The following STYXL2 variants were observed in gnomAD, a reference collection of about 807,000 sequenced individuals.
STYXL2 encodes serine/threonine/tyrosine interacting like 2.
STYXL2 carries 44 observed loss-of-function variants against 52.4 expected under a neutral mutation model. That is an observed-to-expected ratio of 0.84 (90% CI 0.66 to 1.08). STYXL2 has a LOEUF of 1.08. Among genes scored for constraint, STYXL2 ranks in the 50% least tolerant of loss-of-function variants. The pLI is 0.00. For missense variants in STYXL2, 1,604 were observed against 1,471.7 expected, an observed-to-expected ratio of 1.09 and a Z score of -1.47; for synonymous variants, 604 against 586.9, an observed-to-expected ratio of 1.03 and a Z score of -0.42.
chr1:167,116,474 A>T (rs1406671182), intron 3 of STYXL2, among the ~76,000 whole-genome samples: 3 of 152,172 alleles, frequency 2.0e-5, no homozygotes, highest in Non-Finnish European at 2.9e-5. Flanking sequence ...ACAAGAAATA[A>T]ATCAGTAAAT....
At chr1:167,107,403 C>A (rs1169586083) in intron 2 of STYXL2, among the ~76,000 whole-genome samples, 1 of 152,166 alleles carries the variant, frequency 6.6e-6, no homozygotes, top group Non-Finnish European at 1.5e-5. Context: ...GTGACCATTA[C>A]TCTACCATAA....
chr1:167,105,988 G>A (rs1017633504), intron 2 of STYXL2, among the ~76,000 whole-genome samples: 2 of 152,166 alleles, frequency 1.3e-5, no homozygotes, highest in Admixed American at 1.3e-4. Context: ...TCTCAGGTTT[G>A]CTGACTCATT....
chr1:167,107,890 C>A (rs563116707), intron 2 of STYXL2, among the ~76,000 whole-genome samples: 1 of 152,216 alleles, frequency 6.6e-6, no homozygotes, highest in East Asian at 1.9e-4. Context: ...AAAGAAGGGA[C>A]GATTGAACTA....
intron 4 of STYXL2, among the ~76,000 whole-genome samples, chr1:167,118,331 G>A (rs1274434728): frequency 1.3e-5 from 2 of 152,110 alleles, no homozygotes; most frequent in Non-Finnish European, 2.9e-5. Flanking sequence ...CTGACTCATC[G>A]AATACTTAAT....
In STYXL2 at chr1:167,125,899, T is replaced by A. The variant is rs1488636018; in HGVS notation, c.768T>A (p.Arg256=). Reference sequence around the variant, plus strand: ...TCCTGGAGGCTTTGATGACCGTGCGTAAGAAGCGGGCCATCTACCCCAATG... The same window carrying A: ...TCCTGGAGGCTTTGATGACCGTGCGAAAGAAGCGGGCCATCTACCCCAATG... ...MAILEALMTV[R]KKRAIYPNEG... is the part of the protein sequence containing the mutation. The change falls in exon 6 of 6, where the codon CGT becomes CGA. Residue 256 remains arginine (R), a synonymous_variant. Coordinates refer to ENST00000361200, the MANE Select transcript of STYXL2 (RefSeq NM_001080426.3). 3.1e-6 allele frequency: 5 copies of A among 1,614,078 alleles called. No individual in the cohort carries two copies. In the East Asian group the frequency reaches 1.1e-4, roughly 36 times the overall value.
In STYXL2 at chr1:167,127,974, C is replaced by T; in HGVS notation, c.2843C>T (p.Pro948Leu). 6.2e-7 allele frequency: 1 copy of T among 1,614,166 alleles called. No individual in the cohort carries two copies. Residue 948 changes from proline to leucine, a missense_variant, in exon 6 of 6, where the codon CCT becomes CTT. Physicochemically the swap from Pro to Leu is moderately conservative, Grantham distance 98 (BLOSUM62 -3). Coordinates refer to ENST00000361200, the MANE Select transcript of STYXL2 (RefSeq NM_001080426.3). ...AGTGGCCTCAGGACGGAGGAAAAAC[C>T]TCCTTTCCAAAGTGACTGGTCTGGA... ...WLSGLRTEEK[P>L]PFQSDWSGSS...
intron 1 of STYXL2, 38 bp from the exon 2 acceptor site, chr1:167,094,796 C>T (rs1331797797): frequency 1.4e-6 from 2 of 1,443,350 alleles, no homozygotes; most frequent in East Asian, 2.4e-5. Context: ...CCTCAGGAAC[C>T]TAATTCCCTA....
At chr1:167,098,933 C>T (rs1451440457) in intron 2 of STYXL2, among the ~76,000 whole-genome samples, 1 of 152,142 alleles carries the variant, frequency 6.6e-6, no homozygotes, top group Non-Finnish European at 1.5e-5. Flanking sequence ...ACTCTGCTGA[C>T]ACAAATGTCC....
At chr1:167,116,462 A>G (rs898646925) in intron 3 of STYXL2, among the ~76,000 whole-genome samples, 3 of 152,142 alleles carry the variant, frequency 2.0e-5, no homozygotes, top group African/African-American at 7.2e-5. Context: ...GAAGAAGACA[A>G]TACAAGAAAT....
chr1:167,126,908 A>T lies in STYXL2; in HGVS notation c.1777A>T (p.Lys593Ter). ...DVSLTAYQAWKLKHQKKVGSE... is the reference protein window; with the variant it reads ...DVSLTAYQAW ...CAGCCTGACAGCCTACCAGGCCTGG[A>T]AGCTGAAACACCAGAAGAAGGTGGG... Residue 593 changes from lysine (K) to a stop codon, truncating the protein, a stop_gained, in exon 6 of 6, where the codon AAG (lysine) becomes TAG (stop). Coordinates refer to ENST00000361200, the MANE Select transcript of STYXL2 (RefSeq NM_001080426.3). LOFTEE classifies it low-confidence loss of function (END_TRUNC). 1 of 1,612,042 alleles carries T rather than the reference A, an allele frequency of 6.2e-7. No individual in the cohort carries two copies. The highest frequency in any genetic ancestry group is 1.7e-5 in the Admixed American group (1 of 59,852).
chr1:167,119,393 T>C lies in STYXL2; in HGVS notation c.582T>C (p.Phe194=). 1.2e-6 allele frequency: 2 copies of C among 1,614,190 alleles called. No homozygotes were observed. The highest frequency in any genetic ancestry group is 1.1e-5 in the South Asian group (1 of 91,078). The change falls in exon 5 of 6, where the codon TTT becomes TTC. Residue 194 remains phenylalanine (F), a synonymous_variant. Transcript: ENST00000361200. ...ACCTGGGTGTAGAGGTGGATGACTT[T>C]CCTGAGGTGGACATTTCCCAGCATT... ...IQYLGVEVDD[F]PEVDISQHFR...
chr1:167,114,637 C>G (rs1217308200), intron 3 of STYXL2, among the ~76,000 whole-genome samples: 1 of 152,228 alleles, frequency 6.6e-6, no homozygotes, highest in Non-Finnish European at 1.5e-5. Context: ...ACCAGGGTCT[C>G]TAGAGGACAT....
Position 167,127,745 on chromosome 1 carries a change from A to G in STYXL2, c.2614A>G (p.Lys872Glu), listed in dbSNP as rs138472448. The change falls in exon 6 of 6, where the codon AAG (lysine) becomes GAG (glutamate). Residue 872 changes from lysine (K) to glutamate (E), a missense_variant. Coordinates refer to ENST00000361200, the MANE Select transcript of STYXL2 (RefSeq NM_001080426.3). ...CAAACGCAGCTCCCTCTTCAAGAAG[A>G]AGAAGGTCAAGGAAGATGAGGATGA... ...DNKRSSLFKK[K>E]KVKEDEDDGV... 5,198 of 1,613,992 alleles carry G rather than the reference A, an allele frequency of 3.2e-3. 16 individuals are homozygous for G. Among genetic ancestry groups the G allele is most frequent in the Middle Eastern group, 6.8e-3 (41 of 6,062 alleles).
At chr1:167,108,568 C>T (rs6691731) in intron 2 of STYXL2, among the ~76,000 whole-genome samples, 52,031 of 151,864 alleles carry the variant, frequency 0.34, 10,390 homozygotes, top group East Asian at 0.73. Flanking sequence ...ACAATGAGAT[C>T]TCTAAAGGCC....
At chr1:167,117,649 GC>G in intron 4 of STYXL2, 90 bp downstream of exon 4, 2 of 1,224,058 alleles carry the variant, frequency 1.6e-6, no homozygotes, top group Non-Finnish European at 2.3e-6. Flanking sequence ...CACCAAAGGC[GC>G]CCATAGGTCC....
Position 167,094,883 on chromosome 1 carries a change from G to A in STYXL2, c.34G>A (p.Val12Ile). The change falls in exon 2 of 6, where the codon GTA (valine) becomes ATA (isoleucine). Residue 12 changes from valine to isoleucine, a missense_variant. By Grantham distance (29) the Val-to-Ile change is conservative. Transcript: ENST00000361200. Reference protein sequence around the residue: ...ATRKDTEEEQVVPSEEDEANV... With the variant: ...ATRKDTEEEQIVPSEEDEANV... ...CAGAAAGGACACAGAGGAGGAGCAG[G>A]TAGTCCCAAGCGAGGAGGACGAAGC... is the stretch of plus-strand genomic sequence containing the variant. 3 of 1,613,474 alleles carry A rather than the reference G, an allele frequency of 1.9e-6. No individual in the cohort carries two copies. Among genetic ancestry groups the A allele is most frequent in the Non-Finnish European group, 2.5e-6 (3 of 1,179,822 alleles).
At chr1:167,103,141 C>T (rs1319677118) in intron 2 of STYXL2, among the ~76,000 whole-genome samples, 1 of 152,146 alleles carries the variant, frequency 6.6e-6, no homozygotes, top group Admixed American at 6.5e-5. Context: ...CTTCAAAAGG[C>T]CGTCTGCTCT....
chr1:167,103,248 G>C (rs1217973868), intron 2 of STYXL2, among the ~76,000 whole-genome samples: 1 of 152,110 alleles, frequency 6.6e-6, no homozygotes, highest in Non-Finnish European at 1.5e-5. Flanking sequence ...AATTACTCCT[G>C]CAATGATCCT....
rs769678635 is a variant in STYXL2 at position 167,094,865 on chromosome 1, GAC to G, written c.20_21del (p.Thr7ArgfsTer29). MATRK[D>X]TEEEQVVPSE... ...GCAGGTTGTCATGGCGACCAGAAAG[GAC>G]ACAGAGGAGGAGCAGGTAGTCCCAA... On this transcript the variant is annotated frameshift_variant, in exon 2 of 6. Coordinates refer to ENST00000361200, the MANE Select transcript of STYXL2 (RefSeq NM_001080426.3). LOFTEE classifies it high-confidence loss of function. 2.2e-5 allele frequency: 36 copies of G among 1,613,288 alleles called. No individual in the cohort carries two copies. Among genetic ancestry groups the G allele is most frequent in the South Asian group, 1.9e-4 (17 of 90,806 alleles).
Sources: allele counts gnomAD v4.1 joint callset (sites outside exome capture counted in the v4.1 genomes callset), GRCh38; gene constraint gnomAD v4.1.1; transcripts MANE v1.5; gene names NCBI Gene and HGNC (gene_info 2026-07-23, HGNC 2026-07-21).